KIF3C: variants seen among roughly 807,000 people sequenced by gnomAD.
KIF3C encodes the protein kinesin family member 3C, also known as kinesin-like protein KIF3C.
KIF3C carries 12 observed loss-of-function variants against 67.7 expected under a neutral mutation model. The observed-to-expected ratio is 0.18, with a 90% confidence interval of 0.11 to 0.29. The LOEUF (loss-of-function observed/expected upper bound fraction) is 0.29. KIF3C is among the 10% of genes least tolerant of loss of function. The probability of loss-of-function intolerance (pLI) is 1.00; values close to 1 mark genes in which losing one functional copy is unlikely to be tolerated. For synonymous variants in KIF3C, 393 were observed against 426.2 expected, an observed-to-expected ratio of 0.92 and a Z score of 0.96; for missense variants, 789 against 1,059.6, an observed-to-expected ratio of 0.74 and a Z score of 3.55.
chr2:25,951,450 GC>G, intron 5 of KIF3C: 1 of 261,290 alleles, frequency 3.8e-6, no homozygotes, highest in East Asian at 9.7e-5. Context: ...GCTATTTCGG[GC>G]ATCTGACAAA....
rs1238934209 is a variant in KIF3C at position 25,955,428 on chromosome 2, CAG to C, written c.1770+111_1770+112del. On this transcript the variant is annotated intron_variant, in intron 3 of 7. Coordinates refer to ENST00000264712, the MANE Select transcript of KIF3C (RefSeq NM_002254.8). The surrounding 1 kb of genome is among the most constrained non-coding windows in gnomAD (Gnocchi z 5.0). ...ACCCCCGAGGCCAAGCCATGTCACTCAGGGGTTCAGCAGTTCCAGCCAAATGG... is the reference window on the plus strand; with the variant it reads ...ACCCCCGAGGCCAAGCCATGTCACTCGGGTTCAGCAGTTCCAGCCAAATGG... The C allele has an allele frequency of 7.4e-7, 1 of 1,350,358 alleles. No individual in the cohort carries two copies. The highest frequency in any genetic ancestry group is 1.4e-5 in the South Asian group (1 of 73,810). The allele number at this position is 1,350,358 out of a possible 1,614,324, so 83.6% of individuals were successfully genotyped here.
At chr2:25,968,676 G>C (rs1174710946) in intron 1 of KIF3C, among the ~76,000 whole-genome samples, 6 of 152,092 alleles carry the variant, frequency 3.9e-5, no homozygotes, top group Non-Finnish European at 8.8e-5. Context: ...TTAGGTTCGT[G>C]GTCCTGGGTC....
At chr2:25,953,255 C>T (rs1663683049) in intron 4 of KIF3C, among the ~76,000 whole-genome samples, 1 of 149,228 alleles carries the variant, frequency 6.7e-6, no homozygotes, top group African/African-American at 2.5e-5. Context: ...GATGATAGAG[C>T]AATATTCCAT....
intron 1 of KIF3C, among the ~76,000 whole-genome samples, chr2:25,957,082 T>G (rs1270895601): frequency 3.3e-5 from 5 of 152,182 alleles, no homozygotes; most frequent in Non-Finnish European, 7.3e-5. Context: ...ATCTACAATA[T>G]TGGAACACCG....
At chr2:25,969,415 C>G (rs1055497835) in intron 1 of KIF3C, among the ~76,000 whole-genome samples, 1 of 151,948 alleles carries the variant, frequency 6.6e-6, no homozygotes, top group South Asian at 2.1e-4. Flanking sequence ...GCACCAAAAT[C>G]TCAGAAATCA....
chr2:25,968,937 CCTCAGCCTCCTGA>C (rs1353768630), intron 1 of KIF3C, among the ~76,000 whole-genome samples: 1 of 152,104 alleles, frequency 6.6e-6, no homozygotes, highest in African/African-American at 2.4e-5. Flanking sequence ...GATTCTCCTG[CCTCAGCCTCCTGA>C]GTAGCTAGAA....
chr2:25,954,833 C>T (rs1002621931), intron 3 of KIF3C, among the ~76,000 whole-genome samples: 1 of 152,174 alleles, frequency 6.6e-6, no homozygotes, highest in Non-Finnish European at 1.5e-5. Context: ...GGTGACCCCT[C>T]CCACTCCAGT....
rs901148066 is a variant in KIF3C at position 25,958,504 on chromosome 2, T to C, written c.1546-2060A>G. Among the ~76,000 whole-genome samples the C allele has an allele frequency of 2.0e-5, 3 of 150,554 alleles. No individual in the cohort carries two copies. The highest frequency in any genetic ancestry group is 4.4e-5 in the Non-Finnish European group (3 of 67,446). On this transcript the variant is annotated intron_variant, in intron 1 of 7. Transcript: ENST00000264712. The surrounding 1 kb of genome is among the most constrained non-coding windows in gnomAD (Gnocchi z 4.5). ...GCTGAGGCAGGAGAATCGGTTGAACTAGGGAGGCAGAGGCTGCAGTGAGCC... is the reference window on the plus strand; with the variant it reads ...GCTGAGGCAGGAGAATCGGTTGAACCAGGGAGGCAGAGGCTGCAGTGAGCC...
chr2:25,943,770 C>A (rs1574482444), intron 5 of KIF3C, among the ~76,000 whole-genome samples: 1 of 151,456 alleles, frequency 6.6e-6, no homozygotes, highest in Middle Eastern at 3.4e-3. Flanking sequence ...GAGGCGGAGG[C>A]AAGAGAATCA....
chr2:25,965,497 C>T (rs184429274), intron 1 of KIF3C, among the ~76,000 whole-genome samples: 59 of 151,978 alleles, frequency 3.9e-4, no homozygotes, highest in Admixed American at 1.4e-3. Flanking sequence ...TTTTGAGACA[C>T]GGGATCTCGC....
In KIF3C at chr2:25,929,975, C is replaced by T. The variant is rs1559546561; in HGVS notation, c.2095G>A (p.Gly699Arg). ...SQYARVAMAM[G>R]SHPRYRAENI... The stretch of plus-strand genomic sequence containing the variant: ...CTTACCCTGTACCTGGGGTGGGACC[C>T]CATTGCCATGGCAACCCGAGCATAC... The change falls in exon 6 of 8, where the codon GGG (glycine) becomes AGG (arginine). Residue 699 changes from glycine to arginine, a missense_variant. Around this residue, in one of 2 missense-constraint regions of KIF3C, gnomAD observed 648 missense variants for 807.8 expected, o/e 0.80. Coordinates refer to ENST00000264712, the MANE Select transcript of KIF3C (RefSeq NM_002254.8). 1.2e-6 allele frequency: 2 copies of T among 1,613,536 alleles called. No individual in the cohort carries two copies. Among genetic ancestry groups the T allele is most frequent in the Non-Finnish European group, 1.7e-6 (2 of 1,179,578 alleles).
chr2:25,929,118 G>A, intron 7 of KIF3C, 47 bp from the exon 8 acceptor site: 4 of 1,547,286 alleles, frequency 2.6e-6, no homozygotes, highest in Non-Finnish European at 3.6e-6. Context: ...GGGAAATACA[G>A]GAAACAGGAA....
intron 5 of KIF3C, among the ~76,000 whole-genome samples, chr2:25,946,707 G>A (rs1273180802): frequency 1.3e-5 from 2 of 151,166 alleles, no homozygotes; most frequent in Middle Eastern, 3.4e-3. Flanking sequence ...ACAAAAACTT[G>A]GCTGGGTGTC....
chr2:25,940,835 T>C (rs1295237096), intron 5 of KIF3C, among the ~76,000 whole-genome samples: 2 of 151,552 alleles, frequency 1.3e-5, no homozygotes, highest in Admixed American at 6.6e-5. Flanking sequence ...GTATTTTTAG[T>C]AGAGACGGGG....
In KIF3C at chr2:25,928,924, G is replaced by A; in HGVS notation, c.*54C>T. 6.7e-7 allele frequency: 1 copy of A among 1,482,382 alleles called. No individual in the cohort carries two copies. Among genetic ancestry groups the A allele is most frequent in the Non-Finnish European group, 9.3e-7 (1 of 1,069,628 alleles). The allele number at this position is 1,482,382 out of a possible 1,614,324, so 91.8% of individuals were successfully genotyped here. ...CAAGCGGCAGATGAGATGAGCCAGG[G>A]TTGGCTGCCCCATCCCAGGAGTCTA... On this transcript the variant is annotated 3_prime_UTR_variant, in exon 8 of 8. Coordinates refer to ENST00000264712, the MANE Select transcript of KIF3C (RefSeq NM_002254.8).
chr2:25,946,179 G>A (rs961069557), intron 5 of KIF3C, among the ~76,000 whole-genome samples: 1 of 152,154 alleles, frequency 6.6e-6, no homozygotes, highest in Non-Finnish European at 1.5e-5. Context: ...AAAAATCAGA[G>A]TTTTCCAGGT....
Position 25,951,903 on chromosome 2 carries a change from T to C in KIF3C, c.1892A>G (p.Tyr631Cys), listed in dbSNP as rs1310808577. ...CGGGATGAAGTTCTCGATGATTAGG[T>C]ACCTGGGAGCAGGAATGAAGGAGTG... ...NEQTRELKLK[Y>C]LIIENFIPPE... Residue 631 changes from tyrosine (Y) to cysteine (C), a missense_variant and splice_region_variant, in exon 5 of 8, where the codon TAC (tyrosine) becomes TGC (cysteine). By Grantham distance (194) the Tyr-to-Cys change is radical. Around this residue, in one of 2 missense-constraint regions of KIF3C, gnomAD observed 648 missense variants for 807.8 expected, o/e 0.80. Coordinates refer to ENST00000264712, the MANE Select transcript of KIF3C (RefSeq NM_002254.8). 2.5e-6 allele frequency: 4 copies of C among 1,605,928 alleles called. No individual in the cohort carries two copies. The highest frequency in any genetic ancestry group is 3.4e-6 in the Non-Finnish European group (4 of 1,172,782).
chr2:25,945,407 A>C (rs1663404926), intron 5 of KIF3C, among the ~76,000 whole-genome samples: 1 of 151,682 alleles, frequency 6.6e-6, no homozygotes, highest in African/African-American at 2.4e-5. Context: ...CCCTTTACAA[A>C]GGATAAAACT....
At chr2:25,934,005 T>C in intron 5 of KIF3C, 1 of 348,198 alleles carries the variant, frequency 2.9e-6, no homozygotes. Context: ...CCAAATGTGG[T>C]ATATTCATAG....
Sources: gnomAD v4.1 joint callset for allele counts (sites outside exome capture counted in the v4.1 genomes callset) on GRCh38, gnomAD v4.1.1 for gene constraint, gnomAD v4.1.1 regional missense constraint, Gnocchi (gnomAD v3.1) non-coding constraint, MANE v1.5 for transcripts, NCBI Gene and HGNC (gene_info 2026-07-23, HGNC 2026-07-21) for gene names.